EFCAB6: variants seen among roughly 807,000 people sequenced by gnomAD.
EFCAB6 encodes EF-hand calcium binding domain 6, also known as EF-hand calcium-binding domain-containing protein 6.
A neutral mutation model predicts 169.8 loss-of-function variants in EFCAB6; 156 were observed. The ratio of observed to expected loss-of-function variants is 0.92; its 90% CI spans 0.81 to 1.05. The LOEUF (loss-of-function observed/expected upper bound fraction) is 1.05. Among genes scored for constraint, EFCAB6 ranks in the 50% least tolerant of loss-of-function variants. The pLI is 0.00. For synonymous variants in EFCAB6, 698 were observed against 676.4 expected, an observed-to-expected ratio of 1.03 and a Z score of -0.50; for missense variants, 1,800 against 1,829.1, an observed-to-expected ratio of 0.98 and a Z score of 0.29.
chr22:43,774,408 C>T (rs987807383), intron 3 of EFCAB6, among the ~76,000 whole-genome samples: 1 of 151,528 alleles, frequency 6.6e-6, no homozygotes, highest in Non-Finnish European at 1.5e-5. Flanking sequence ...ACCCTAACCC[C>T]ATGAGCCACA....
chr22:43,589,701 T>A (rs1487792003), intron 24 of EFCAB6, among the ~76,000 whole-genome samples: 1 of 152,022 alleles, frequency 6.6e-6, no homozygotes, highest in East Asian at 1.9e-4. Context: ...GGCACGAGAA[T>A]CACTTGAACC....
At chr22:43,746,173 C>T (rs982625773) in intron 6 of EFCAB6, among the ~76,000 whole-genome samples, 1 of 152,234 alleles carries the variant, frequency 6.6e-6, no homozygotes, top group Non-Finnish European at 1.5e-5. Context: ...AGCCTCGCCT[C>T]CCTGCCTCTG....
chr22:43,649,112 A>T (rs113377567), intron 17 of EFCAB6, among the ~76,000 whole-genome samples: 3 of 152,336 alleles, frequency 2.0e-5, no homozygotes, highest in Non-Finnish European at 4.4e-5. Context: ...CCGAGGGGGA[A>T]AAAAGTCCCC....
chr22:43,658,699 G>A (rs192037432), intron 17 of EFCAB6, among the ~76,000 whole-genome samples: 7 of 152,292 alleles, frequency 4.6e-5, no homozygotes, highest in East Asian at 3.9e-4. Flanking sequence ...GAATCTGGCC[G>A]TGTCCTCGGT....
intron 4 of EFCAB6, among the ~76,000 whole-genome samples, chr22:43,771,968 CTCTGCTATAATGACCTT>C: frequency 6.6e-6 from 1 of 152,298 alleles, no homozygotes; most frequent in East Asian, 1.9e-4. Context: ...AGGCTGTCCC[CTCTGCTATAATGACCTT>C]TCCTTCCCCT....
At chr22:43,738,463 TCA>T (rs947299610) in intron 6 of EFCAB6, among the ~76,000 whole-genome samples, 8 of 148,628 alleles carry the variant, frequency 5.4e-5, no homozygotes, top group East Asian at 2.0e-4. Context: ...ACACCATCAC[TCA>T]CACACACATA....
intron 25 of EFCAB6, among the ~76,000 whole-genome samples, chr22:43,577,832 C>A (rs1339882488): frequency 6.6e-6 from 1 of 151,532 alleles, no homozygotes; most frequent in Non-Finnish European, 1.5e-5. Flanking sequence ...CACCGGGACT[C>A]CGGAGCCCAC....
At chr22:43,776,899 T>A (rs1203468601) in intron 3 of EFCAB6, among the ~76,000 whole-genome samples, 1 of 152,120 alleles carries the variant, frequency 6.6e-6, no homozygotes, top group East Asian at 1.9e-4. Context: ...TTTAAAAATG[T>A]GTTCTGGCTG....
At chr22:43,600,756 A>G (rs1246984802) in intron 22 of EFCAB6, among the ~76,000 whole-genome samples, 3 of 151,976 alleles carry the variant, frequency 2.0e-5, no homozygotes, top group Admixed American at 1.3e-4. Flanking sequence ...CTCTGTCTCC[A>G]AGGCTCAAGT....
intron 2 of EFCAB6, among the ~76,000 whole-genome samples, chr22:43,786,690 G>A (rs573674891): frequency 4.7e-4 from 72 of 151,688 alleles, no homozygotes; most frequent in Admixed American, 7.9e-4. Context: ...CTCCAGCCTG[G>A]GCGATAGAGC....
intron 17 of EFCAB6, 114 bp downstream of exon 17, chr22:43,666,990 C>A: frequency 7.8e-7 from 1 of 1,282,444 alleles, no homozygotes; most frequent in Admixed American, 2.6e-5. Context: ...TGAAAGATGC[C>A]TAGAAATGGA....
chr22:43,769,436 TA>T (rs766060472), intron 4 of EFCAB6, among the ~76,000 whole-genome samples: 11 of 152,118 alleles, frequency 7.2e-5, no homozygotes, highest in Admixed American at 3.9e-4. Flanking sequence ...TCTATGAATA[TA>T]TGAAAAACAC....
intron 17 of EFCAB6, among the ~76,000 whole-genome samples, chr22:43,657,808 T>G (rs1036089472): frequency 1.3e-5 from 2 of 151,978 alleles, no homozygotes; most frequent in African/African-American, 4.8e-5. Context: ...CAACACAAAG[T>G]TGTGATTTTG....
intron 26 of EFCAB6, among the ~76,000 whole-genome samples, chr22:43,561,260 G>A (rs1173963023): frequency 6.6e-6 from 1 of 151,856 alleles, no homozygotes; most frequent in Non-Finnish European, 1.5e-5. Context: ...AGGGGGCTGA[G>A]GCAGAAGAAT....
At chr22:43,555,322 A>G (rs1256676987) in intron 26 of EFCAB6, among the ~76,000 whole-genome samples, 1 of 152,156 alleles carries the variant, frequency 6.6e-6, no homozygotes, top group African/African-American at 2.4e-5. Context: ...CGAGTTCCCC[A>G]TGGGGCAGAG....
intron 20 of EFCAB6, among the ~76,000 whole-genome samples, chr22:43,623,618 A>G (rs568605057): frequency 3.4e-4 from 51 of 151,152 alleles, no homozygotes; most frequent in African/African-American, 4.4e-4. Flanking sequence ...GTATCCGGCC[A>G]GGCGCGGTGG....
intron 17 of EFCAB6, among the ~76,000 whole-genome samples, chr22:43,635,984 T>C (rs1024699640): frequency 6.6e-6 from 1 of 152,180 alleles, no homozygotes; most frequent in Admixed American, 6.5e-5. Flanking sequence ...GCTGGGTGGA[T>C]AGAGGCAGAT....
intron 7 of EFCAB6, among the ~76,000 whole-genome samples, chr22:43,734,752 C>G (rs113682368): frequency 0.019 from 2,881 of 151,994 alleles, 92 homozygotes; most frequent in African/African-American, 0.066. Context: ...AAAAGAAAAA[C>G]ATACTCAAAA....
chr22:43,572,251 A>G lies in EFCAB6; in HGVS notation c.3420+4046T>C, dbSNP rs1262196012. On this transcript the variant is annotated intron_variant, in intron 26 of 31. Transcript: ENST00000262726. The surrounding 1 kb of genome is among the most constrained non-coding windows in gnomAD (Gnocchi z 4.0). ...TGATGCGAACTGGGCAGAACTAACC[A>G]ATGTTGCGGGAGGCAAGCTGACAGC... Among the ~76,000 whole-genome samples the G allele has an allele frequency of 2.0e-5, 3 of 152,146 alleles. No homozygotes were observed. In the East Asian group the frequency reaches 5.8e-4, roughly 29 times the overall value.
Sources: gnomAD v4.1 joint callset for allele counts (sites outside exome capture counted in the v4.1 genomes callset) on GRCh38, gnomAD v4.1.1 for gene constraint, Gnocchi (gnomAD v3.1) non-coding constraint, MANE v1.5 for transcripts, NCBI Gene and HGNC (gene_info 2026-07-23, HGNC 2026-07-21) for gene names.